The following ATF2 variants were observed in gnomAD, a reference collection of about 807,000 sequenced individuals.
ATF2 encodes cyclic AMP-dependent transcription factor ATF-2.
In ATF2, 24 loss-of-function variants were observed where a neutral mutation model predicts 60.6. That is an observed-to-expected ratio of 0.40 (90% confidence interval 0.29 to 0.56). The LOEUF (loss-of-function observed/expected upper bound fraction) is 0.56, where lower values mean the gene tolerates loss of function less well. Ranked by LOEUF, ATF2 falls within the 20% of genes least tolerant of loss-of-function variation. ATF2 has a pLI of 0.54. For synonymous variants in ATF2, 206 were observed against 215.4 expected, an observed-to-expected ratio of 0.96 and a Z score of 0.38; for missense variants, 433 against 607.7, an observed-to-expected ratio of 0.71 and a Z score of 3.02.
chr2:175,119,876 C>T (rs1696835019), intron 5 of ATF2, among the ~76,000 whole-genome samples: 1 of 151,542 alleles, frequency 6.6e-6, no homozygotes, highest in African/African-American at 2.4e-5. Flanking sequence ...TCACTTTTAT[C>T]AATGATTACT....
rs1693062473 is a variant in ATF2 at position 175,073,341 on chromosome 2, T to C, written c.*1268A>G. ...AGAAACAAGCTACATCATGGAATGT[T>C]AGTTATCCAAGCCTGCACAATAATG... On this transcript the variant is annotated 3_prime_UTR_variant, in exon 14 of 14. Transcript: ENST00000264110. The C allele has an allele frequency of 6.6e-6, 1 of 152,154 alleles. No individual in the cohort carries two copies. Among genetic ancestry groups the C allele is most frequent in the Non-Finnish European group, 1.5e-5 (1 of 68,032 alleles). The allele number at this position is 152,154 out of a possible 1,614,324, so 9.4% of individuals were successfully genotyped here. A position where few individuals can be genotyped will look rare whatever the true frequency, so the allele number is the denominator to read the frequency against.
chr2:175,161,791 C>T lies in ATF2; in HGVS notation c.-143+6259G>A, dbSNP rs532104086. On this transcript the variant is annotated intron_variant, in intron 1 of 13. Transcript: ENST00000264110. ...TTTTTTTTTTTTTGAGACACCGTCT[C>T]GCTCTGTTGCCCAGGATAGAGTGCA... Among the ~76,000 whole-genome samples the T allele has an allele frequency of 2.1e-4, 32 of 149,830 alleles. 1 individual carries two copies. In the South Asian group the frequency reaches 6.1e-3, roughly 29 times the overall value.
chr2:175,111,982 G>T (rs1696227270), intron 9 of ATF2, among the ~76,000 whole-genome samples: 1 of 152,066 alleles, frequency 6.6e-6, no homozygotes, highest in Admixed American at 6.5e-5. Flanking sequence ...AATATGAAAG[G>T]AAGAATGTCA....
chr2:175,099,326 A>G (rs1226444643), intron 10 of ATF2, among the ~76,000 whole-genome samples: 3 of 150,420 alleles, frequency 2.0e-5, no homozygotes, highest in Non-Finnish European at 3.0e-5. Flanking sequence ...CTGGTCTTGA[A>G]CTCCTGACCT....
rs116758565 is a variant in ATF2, at chr2:175,076,393, T to C, written c.1292-1558A>G. On this transcript the variant is annotated intron_variant, in intron 13 of 13. Coordinates refer to ENST00000264110, the MANE Select transcript of ATF2 (RefSeq NM_001880.4). ...AAGTAGTAATCCTTTAAAAATTATA[T>C]AAAACAGAATGAATACTTAAAAAAA... Among the ~76,000 whole-genome samples the C allele has an allele frequency of 5.4e-3, 819 of 152,054 alleles. 7 individuals carry two copies. Among genetic ancestry groups the C allele is most frequent in the African/African-American group, 0.018 (758 of 41,496 alleles).
chr2:175,113,955 A>C (rs1485452283), intron 9 of ATF2, 39 bp downstream of exon 9: 2 of 1,510,688 alleles, frequency 1.3e-6, no homozygotes, highest in African/African-American at 2.8e-5. Context: ...TACAAAGATC[A>C]GTTTTGCGAT....
At chr2:175,076,110 A>T (rs903335167) in intron 13 of ATF2, among the ~76,000 whole-genome samples, 1 of 152,192 alleles carries the variant, frequency 6.6e-6, no homozygotes, top group African/African-American at 2.4e-5. Flanking sequence ...AATGTAGAAG[A>T]TGGAGAGGGG....
chr2:175,143,469 T>C, intron 2 of ATF2, among the ~76,000 whole-genome samples: 1 of 152,178 alleles, frequency 6.6e-6, no homozygotes, highest in Non-Finnish European at 1.5e-5. Context: ...GGGACAAATC[T>C]TTGTGCAATA....
intron 1 of ATF2, among the ~76,000 whole-genome samples, chr2:175,167,180 C>T (rs1474615997): frequency 1.3e-5 from 2 of 152,144 alleles, no homozygotes; most frequent in African/African-American, 2.4e-5. Context: ...CCCAGCTCCT[C>T]CTCTCTTTTT....
At chr2:175,122,677 G>A (rs1020944073) in intron 4 of ATF2, among the ~76,000 whole-genome samples, 7 of 151,872 alleles carry the variant, frequency 4.6e-5, no homozygotes, top group African/African-American at 9.7e-5. Flanking sequence ...TCATGTGTGC[G>A]GCACAATGCC....
At chr2:175,121,671 A>C in intron 4 of ATF2, 131 bp from the exon 5 acceptor site, 1 of 623,490 alleles carries the variant, frequency 1.6e-6, no homozygotes, top group Non-Finnish European at 2.7e-6. Context: ...AAACTATAAA[A>C]GAATCCGTTA....
chr2:175,077,308 T>C (rs1203020875), intron 13 of ATF2, among the ~76,000 whole-genome samples: 3 of 152,208 alleles, frequency 2.0e-5, no homozygotes, highest in Admixed American at 2.0e-4. Flanking sequence ...TTTGGGTATA[T>C]ACCCAGTAAT....
chr2:175,085,379 A>G (rs373369470), intron 12 of ATF2, among the ~76,000 whole-genome samples: 5 of 152,010 alleles, frequency 3.3e-5, no homozygotes, highest in Admixed American at 3.3e-4. Context: ...TACTAAAAAT[A>G]TAAGAATTAG....
chr2:175,129,043 T>C (rs1287409484), intron 4 of ATF2, among the ~76,000 whole-genome samples: 1 of 152,140 alleles, frequency 6.6e-6, no homozygotes, highest in Non-Finnish European at 1.5e-5. Context: ...AAAAGACTTG[T>C]ACACAAGTAT....
intron 13 of ATF2, among the ~76,000 whole-genome samples, chr2:175,076,449 A>G (rs952151799): frequency 5.3e-5 from 8 of 152,120 alleles, no homozygotes; most frequent in African/African-American, 1.9e-4. Flanking sequence ...ATATGCAGGT[A>G]TGTTACATGG....
intron 1 of ATF2, among the ~76,000 whole-genome samples, chr2:175,163,379 C>T (rs1365890349): frequency 6.6e-6 from 1 of 151,944 alleles, no homozygotes; most frequent in Non-Finnish European, 1.5e-5. Context: ...AACCAAAGTC[C>T]ATATGGTATT....
At chr2:175,086,750 G>A (rs1259059031) in intron 12 of ATF2, among the ~76,000 whole-genome samples, 1 of 151,884 alleles carries the variant, frequency 6.6e-6, no homozygotes, top group Non-Finnish European at 1.5e-5. Flanking sequence ...ACTACTCCAA[G>A]CATTCAAGAA....
At chr2:175,085,306 G>A (rs1694074353) in intron 12 of ATF2, among the ~76,000 whole-genome samples, 2 of 151,930 alleles carry the variant, frequency 1.3e-5, no homozygotes, top group Admixed American at 6.6e-5. Context: ...AGACTGAGGC[G>A]GGCAGATAAC....
chr2:175,090,115 C>G (rs1250476574), intron 12 of ATF2, among the ~76,000 whole-genome samples: 1 of 152,122 alleles, frequency 6.6e-6, no homozygotes, highest in Non-Finnish European at 1.5e-5. Flanking sequence ...CACCCTCTGT[C>G]TAGTAACAAA....
Sources: gnomAD v4.1 joint callset for allele counts (sites outside exome capture counted in the v4.1 genomes callset) on GRCh38, gnomAD v4.1.1 for gene constraint, MANE v1.5 for transcripts, NCBI Gene and HGNC (gene_info 2026-07-23, HGNC 2026-07-21) for gene names.